Variants in MGAT5B observed in about 807,000 individuals in gnomAD.
MGAT5B encodes the protein N-acetylglucosaminyl-transferase Vb.
Under a neutral mutation model 95.1 loss-of-function variants are expected in MGAT5B, and 54 were observed. The ratio of observed to expected loss-of-function variants is 0.57; its 90% CI spans 0.46 to 0.71. The LOEUF is 0.71. Among genes scored for constraint, MGAT5B ranks in the 30% least tolerant of loss-of-function variants. MGAT5B has a pLI of 0.00. For missense variants in MGAT5B, 935 were observed against 1,088.6 expected (o/e 0.86, Z 1.99); for synonymous variants, 464 against 451.0 (o/e 1.03, Z -0.36).
chr17:76,913,562 C>T (rs2145211367), intron 8 of MGAT5B: 2 of 386,476 alleles, frequency 5.2e-6, no homozygotes, highest in Middle Eastern at 6.6e-4. Context: ...AGGGTCTTGG[C>T]CGTTGACAGT....
Position 76,920,587 on chromosome 17 carries a change from C to A in MGAT5B, c.1026-4379C>A, listed in dbSNP as rs550992372. Among the ~76,000 whole-genome samples, 5 of 152,136 alleles carry A rather than the reference C, an allele frequency of 3.3e-5. No individual in the cohort carries two copies. The East Asian group carries it at 9.6e-4, about 29-fold the overall frequency. ...TTTCTTCTGATAAGAGCAATGAGGC[C>A]GCTGCAGACACCTCCAGGGACGTCC... On this transcript the variant is annotated intron_variant, in intron 8 of 17. Coordinates refer to ENST00000569840, the MANE Select transcript of MGAT5B (RefSeq NM_001199172.2).
In MGAT5B at chr17:76,916,360, G is replaced by A. The variant is rs572369604; in HGVS notation, c.1026-8606G>A. On this transcript the variant is annotated intron_variant, in intron 8 of 17. Transcript: ENST00000569840. This position sits in a 1 kb window ranked among gnomAD's most constrained non-coding sequence, Gnocchi z 5.3. ...CCAATAAGCAAGACCGATGGAGGCC[G>A]TGCCGTGTCGCCTTTCCCAGCTCTG... Among the ~76,000 whole-genome samples, 126 of 152,358 alleles carry A rather than the reference G, an allele frequency of 8.3e-4. No individual in the cohort carries two copies. The highest frequency in any genetic ancestry group is 1.4e-3 in the Non-Finnish European group (95 of 68,026).
chr17:76,912,024 C>A lies in MGAT5B; in HGVS notation c.1025+5837C>A, dbSNP rs1000179965. ...CTTGGTGACCCTTGTCCTGCAGCTA[C>A]ATCTCTACAATCATCTCTGCCTTTG... On this transcript the variant is annotated intron_variant, in intron 8 of 17. Coordinates refer to ENST00000569840, the MANE Select transcript of MGAT5B (RefSeq NM_001199172.2). The surrounding 1 kb of genome is among the most constrained non-coding windows in gnomAD (Gnocchi z 5.0). Among the ~76,000 whole-genome samples, 4 of 152,176 alleles carry A rather than the reference C, an allele frequency of 2.6e-5. No individual in the cohort carries two copies. Among genetic ancestry groups the A allele is most frequent in the Non-Finnish European group, 5.9e-5 (4 of 68,028 alleles).
chr17:76,947,787 T>G, intron 16 of MGAT5B, 43 bp from the exon 17 acceptor site: 4 of 1,504,804 alleles, frequency 2.7e-6, no homozygotes, highest in Non-Finnish European at 3.6e-6. Context: ...CAGGCACACC[T>G]GGGTCGCACT....
chr17:76,900,876 TGC>T (rs1968279925), intron 3 of MGAT5B, among the ~76,000 whole-genome samples: 1 of 139,872 alleles, frequency 7.1e-6, no homozygotes, highest in Non-Finnish European at 1.5e-5. Flanking sequence ...TGTGCATGTG[TGC>T]GTGTGTGTGC....
chr17:76,923,263 C>T (rs929472598), intron 8 of MGAT5B, among the ~76,000 whole-genome samples: 2 of 152,210 alleles, frequency 1.3e-5, no homozygotes, highest in African/African-American at 4.8e-5. Context: ...ATCCTGGCCA[C>T]TTGCCGTTAA....
At chr17:76,895,091 C>G (rs147871526) in intron 3 of MGAT5B, among the ~76,000 whole-genome samples, 27 of 152,254 alleles carry the variant, frequency 1.8e-4, no homozygotes, top group African/African-American at 6.0e-4. Context: ...GCTCGCGTTA[C>G]CACTTGAGCT....
intron 3 of MGAT5B, among the ~76,000 whole-genome samples, chr17:76,892,406 C>T (rs1377788178): frequency 2.6e-5 from 4 of 152,194 alleles, no homozygotes; most frequent in Admixed American, 1.3e-4. Flanking sequence ...ACCTCTGCCC[C>T]GCAATGAAGC....
At chr17:76,908,567 T>G (rs1273988066) in intron 8 of MGAT5B, among the ~76,000 whole-genome samples, 1 of 150,986 alleles carries the variant, frequency 6.6e-6, no homozygotes, top group East Asian at 2.0e-4. Context: ...GTGCTTGGCT[T>G]TATTCCTCCT....
At chr17:76,885,199 C>G (rs1016040986) in intron 3 of MGAT5B, among the ~76,000 whole-genome samples, 4 of 152,158 alleles carry the variant, frequency 2.6e-5, no homozygotes, top group African/African-American at 4.8e-5. Context: ...GGCCGTTTTC[C>G]TCTCTGTGTG....
At chr17:76,883,653 T>C (rs907795705) in intron 3 of MGAT5B, among the ~76,000 whole-genome samples, 19 of 152,216 alleles carry the variant, frequency 1.2e-4, no homozygotes, top group African/African-American at 4.3e-4. Flanking sequence ...ACTTTCCCTC[T>C]TTTATATATT....
At chr17:76,903,066 T>C (rs1968378863) in intron 4 of MGAT5B, among the ~76,000 whole-genome samples, 1 of 152,112 alleles carries the variant, frequency 6.6e-6, no homozygotes, top group Non-Finnish European at 1.5e-5. Context: ...GGTCTGCCCA[T>C]CCAGGCAGCT....
chr17:76,943,564 C>A (rs911568091), intron 15 of MGAT5B, among the ~76,000 whole-genome samples: 1 of 145,698 alleles, frequency 6.9e-6, no homozygotes, highest in Non-Finnish European at 1.5e-5. Flanking sequence ...CTAATCTTCC[C>A]ATTTTATTAT....
chr17:76,886,471 G>A (rs939036085), intron 3 of MGAT5B, among the ~76,000 whole-genome samples: 32 of 152,328 alleles, frequency 2.1e-4, no homozygotes, highest in African/African-American at 7.0e-4. Flanking sequence ...TCCTTGTACC[G>A]TGAGGGTCCA....
intron 1 of MGAT5B, among the ~76,000 whole-genome samples, chr17:76,871,508 T>C (rs1313655736): frequency 6.6e-6 from 1 of 152,192 alleles, no homozygotes; most frequent in Non-Finnish European, 1.5e-5. Context: ...TTCCTTTAAA[T>C]ATGGGCTGGG....
intron 3 of MGAT5B, among the ~76,000 whole-genome samples, chr17:76,900,520 G>A (rs558435254): frequency 4.1e-4 from 62 of 152,356 alleles, no homozygotes; most frequent in Non-Finnish European, 8.1e-4. Flanking sequence ...GGAGAAGGCC[G>A]TGTGAAGGCG....
At chr17:76,875,609 A>G (rs56711745) in intron 2 of MGAT5B, among the ~76,000 whole-genome samples, 16,911 of 139,522 alleles carry the variant, frequency 0.12, 1,252 homozygotes, top group East Asian at 0.38. Flanking sequence ...TCAGTAGTAC[A>G]TGTGTGAGAC....
Position 76,930,589 on chromosome 17 carries a change from AG to A in MGAT5B, c.1292-2054del, listed in dbSNP as rs1969447786. 6.6e-6 allele frequency among the ~76,000 whole-genome samples: 1 copy of A among 152,140 alleles called. No homozygotes were observed. Among genetic ancestry groups the A allele is most frequent in the African/African-American group, 2.4e-5 (1 of 41,412 alleles). On this transcript the variant is annotated intron_variant, in intron 10 of 17. Coordinates refer to ENST00000569840, the MANE Select transcript of MGAT5B (RefSeq NM_001199172.2). This position sits in a 1 kb window ranked among gnomAD's most constrained non-coding sequence, Gnocchi z 4.1. ...AGGGCTCGTGTGCCTGCAGATTCGT[AG>A]GTCTCATGTTCCTCTTAACCCCTCC...
Position 76,906,614 on chromosome 17 carries a change from C to T in MGAT5B, c.1025+427C>T, listed in dbSNP as rs78639977. On this transcript the variant is annotated intron_variant, in intron 8 of 17. Transcript: ENST00000569840. This position sits in a 1 kb window ranked among gnomAD's most constrained non-coding sequence, Gnocchi z 4.6. ...CAGTAAGACATGGAGGATGAAGGGGCGTGGTTGGGTGGGTGGTGCCTGTCC... is the reference window on the plus strand; with the variant it reads ...CAGTAAGACATGGAGGATGAAGGGGTGTGGTTGGGTGGGTGGTGCCTGTCC... 1.3e-5 allele frequency among the ~76,000 whole-genome samples: 2 copies of T among 152,012 alleles called. No homozygotes were observed. Among genetic ancestry groups the T allele is most frequent in the Admixed American group, 6.6e-5 (1 of 15,262 alleles).
Sources: gnomAD v4.1 joint callset for allele counts (sites outside exome capture counted in the v4.1 genomes callset) on GRCh38, gnomAD v4.1.1 for gene constraint, Gnocchi (gnomAD v3.1) non-coding constraint, MANE v1.5 for transcripts, NCBI Gene and HGNC (gene_info 2026-07-23, HGNC 2026-07-21) for gene names.